The following TBX15 variants were observed in gnomAD, a reference collection of about 807,000 sequenced individuals.
TBX15 encodes the protein T-box transcription factor TBX15.
Under a neutral mutation model 53.9 loss-of-function variants are expected in TBX15, and 18 were observed. The observed-to-expected ratio is 0.33, with a 90% CI of 0.23 to 0.49. The LOEUF is 0.49. Among genes scored for constraint, TBX15 ranks in the 20% least tolerant of loss-of-function variants. The pLI is 0.98. For missense variants in TBX15, 692 were observed against 749.5 expected (o/e 0.92, Z 0.90); for synonymous variants, 295 against 278.0 (o/e 1.06, Z -0.61).
intron 1 of TBX15, among the ~76,000 whole-genome samples, chr1:118,958,033 G>T (rs1423810721): frequency 6.6e-6 from 1 of 152,214 alleles, no homozygotes; most frequent in Non-Finnish European, 1.5e-5. Flanking sequence ...AATTTGCCAT[G>T]AATGAAGTTA....
intron 1 of TBX15, among the ~76,000 whole-genome samples, chr1:118,950,615 A>C (rs1656483387): frequency 6.6e-6 from 1 of 152,226 alleles, no homozygotes; most frequent in African/African-American, 2.4e-5. Context: ...TTGAAGTGGT[A>C]GTGGACTGAG....
Position 118,931,848 on chromosome 1 carries a change from T to C in TBX15, c.206-16A>G. 1 of 1,555,158 alleles carries C rather than the reference T, an allele frequency of 6.4e-7. No individual in the cohort carries two copies. The highest frequency in any genetic ancestry group is 8.7e-7 in the Non-Finnish European group (1 of 1,148,902). ...TGCTCAGAATCTGCAAAATAAACAATCAAGCCTTAGGTGAGAAACTGCTGA... is the reference window on the plus strand; with the variant it reads ...TGCTCAGAATCTGCAAAATAAACAACCAAGCCTTAGGTGAGAAACTGCTGA... On this transcript the variant is annotated splice_polypyrimidine_tract_variant and intron_variant, in intron 1 of 7. Coordinates refer to ENST00000369429, the MANE Select transcript of TBX15 (RefSeq NM_001330677.2).
intron 7 of TBX15, among the ~76,000 whole-genome samples, chr1:118,892,901 A>C (rs995006931): frequency 4.6e-5 from 7 of 152,254 alleles, no homozygotes; most frequent in South Asian, 2.1e-4. Flanking sequence ...GAGACCATAA[A>C]TAATTGTTCC....
chr1:118,972,507 G>A lies in TBX15; in HGVS notation c.205+15084C>T, dbSNP rs7514838. On this transcript the variant is annotated intron_variant, in intron 1 of 7. Transcript: ENST00000369429. ...GAAAAAGCCTGTGTGGAGAGGAGCT[G>A]TGAATAGGGCAGCAGTGAAAAGTAG... is the stretch of plus-strand genomic sequence containing the variant. 7.9e-3 allele frequency among the ~76,000 whole-genome samples: 1,210 copies of A among 152,276 alleles called. 20 individuals are homozygous for A. The highest frequency in any genetic ancestry group is 0.028 in the African/African-American group (1,152 of 41,554).
At chr1:118,948,896 C>T (rs1273721111) in intron 1 of TBX15, among the ~76,000 whole-genome samples, 1 of 152,170 alleles carries the variant, frequency 6.6e-6, no homozygotes, top group African/African-American at 2.4e-5. Context: ...AGAAAAAACG[C>T]AACATGTTTC....
intron 1 of TBX15, among the ~76,000 whole-genome samples, chr1:118,936,851 A>G (rs1432231622): frequency 6.6e-6 from 1 of 152,210 alleles, no homozygotes; most frequent in Non-Finnish European, 1.5e-5. Flanking sequence ...ACAGAAGACT[A>G]CATTTAATTC....
rs952701341 is a variant in TBX15, at chr1:118,947,823, A to G, written c.206-15991T>C. The stretch of plus-strand genomic sequence containing the variant: ...GCTGAGAGCCTGGGTTCTCTCCTCA[A>G]ACTGGTCCATGCCTCCCCCAGCAGC... On this transcript the variant is annotated intron_variant, in intron 1 of 7. Coordinates refer to ENST00000369429, the MANE Select transcript of TBX15 (RefSeq NM_001330677.2). 2.6e-5 allele frequency among the ~76,000 whole-genome samples: 4 copies of G among 152,266 alleles called. No individual in the cohort carries two copies. In the South Asian group the frequency reaches 6.2e-4, roughly 24 times the overall value.
intron 5 of TBX15, 40 bp downstream of exon 5, chr1:118,923,396 A>G: frequency 6.2e-7 from 1 of 1,613,010 alleles, no homozygotes; most frequent in Middle Eastern, 1.7e-4. Context: ...AAGGACCAAA[A>G]AACAGATGTA....
intron 2 of TBX15, among the ~76,000 whole-genome samples, chr1:118,930,981 AAAAT>A (rs1368641024): frequency 6.6e-6 from 1 of 152,252 alleles, no homozygotes; most frequent in East Asian, 1.9e-4. Flanking sequence ...TGTCCAGCAC[AAAAT>A]AAATACTTAA....
At chr1:118,946,196 C>T (rs2101646523) in intron 1 of TBX15, among the ~76,000 whole-genome samples, 1 of 152,208 alleles carries the variant, frequency 6.6e-6, no homozygotes, top group African/African-American at 2.4e-5. Flanking sequence ...TTTTATATGA[C>T]ACTTGCTATA....
chr1:118,965,817 C>T (rs190699403), intron 1 of TBX15, among the ~76,000 whole-genome samples: 15 of 152,252 alleles, frequency 9.9e-5, no homozygotes, highest in Admixed American at 9.2e-4. Context: ...ATTATAAAGT[C>T]TAAAGTACTA....
At position 118,931,583 on chromosome 1, in the gene TBX15, C is replaced by A. The variant is rs761185153; in HGVS notation, c.419+36G>T. The stretch of plus-strand genomic sequence containing the variant: ...GTAATGGCTCCTACTTCTGCAAATT[C>A]TTTGAATCTGGCCACTCAAAGGAAT... On this transcript the variant is annotated intron_variant, in intron 2 of 7. Transcript: ENST00000369429. 8 of 1,610,680 alleles carry A rather than the reference C, an allele frequency of 5.0e-6. No individual in the cohort carries two copies. In the South Asian group the frequency reaches 8.8e-5, roughly 18 times the overall value.
intron 1 of TBX15, among the ~76,000 whole-genome samples, chr1:118,968,882 C>T (rs1657141091): frequency 6.6e-6 from 1 of 152,136 alleles, no homozygotes; most frequent in Non-Finnish European, 1.5e-5. Context: ...GACACCAGGC[C>T]TCTATCTCCA....
rs77712131 is a variant in TBX15, at chr1:118,982,291, G to A, written c.205+5300C>T. 2.5e-3 allele frequency among the ~76,000 whole-genome samples: 385 copies of A among 152,336 alleles called. 8 individuals are homozygous for A. In the East Asian group the frequency reaches 0.034, roughly 13 times the overall value. ...TTTAAGAGGTAATTGTTTTTCTCCC[G>A]GGTGTGAGAAATAAAGTTCTACCAG... On this transcript the variant is annotated intron_variant, in intron 1 of 7. Coordinates refer to ENST00000369429, the MANE Select transcript of TBX15 (RefSeq NM_001330677.2).
chr1:118,941,955 T>C (rs1656189492), intron 1 of TBX15, among the ~76,000 whole-genome samples: 1 of 152,238 alleles, frequency 6.6e-6, no homozygotes, highest in Admixed American at 6.5e-5. Context: ...TTTGTGAAAC[T>C]TTTATGAACT....
intron 3 of TBX15, among the ~76,000 whole-genome samples, chr1:118,925,332 T>C (rs1368065794): frequency 2.0e-5 from 3 of 152,234 alleles, no homozygotes; most frequent in Non-Finnish European, 4.4e-5. Flanking sequence ...AGCCTCTCAC[T>C]GGTTAACCAT....
At chr1:118,957,945 A>G (rs1656748602) in intron 1 of TBX15, among the ~76,000 whole-genome samples, 1 of 152,244 alleles carries the variant, frequency 6.6e-6, no homozygotes, top group Non-Finnish European at 1.5e-5. Flanking sequence ...TCATGCTGCT[A>G]TAAAGACACA....
intron 7 of TBX15, among the ~76,000 whole-genome samples, chr1:118,894,130 G>A (rs1046427675): frequency 3.9e-5 from 6 of 152,272 alleles, no homozygotes; most frequent in East Asian, 1.9e-4. Flanking sequence ...AGAGAACAAC[G>A]TGGCAGGAAA....
intron 7 of TBX15, among the ~76,000 whole-genome samples, chr1:118,891,575 C>T (rs563824495): frequency 6.6e-6 from 1 of 152,200 alleles, no homozygotes; most frequent in South Asian, 2.1e-4. Flanking sequence ...GCATCATATT[C>T]CCCCCTACCA....
Sources: gnomAD v4.1 joint callset for allele counts (sites outside exome capture counted in the v4.1 genomes callset) on GRCh38, gnomAD v4.1.1 for gene constraint, MANE v1.5 for transcripts, NCBI Gene and HGNC (gene_info 2026-07-23, HGNC 2026-07-21) for gene names.